FYCO1: variants seen among roughly 807,000 people sequenced by gnomAD.
FYCO1 encodes FYVE and coiled-coil domain-containing protein 1.
FYCO1 carries 122 observed loss-of-function variants against 165.1 expected under a neutral mutation model. The observed-to-expected ratio is 0.74, with a 90% CI of 0.64 to 0.86. The LOEUF (loss-of-function observed/expected upper bound fraction) is 0.86. Ranked by LOEUF, FYCO1 falls within the 40% of genes least tolerant of loss-of-function variation. The pLI, the probability that FYCO1 is intolerant of heterozygous loss-of-function variation, is 0.00. For missense variants in FYCO1, 1,702 were observed against 1,810.3 expected (o/e 0.94, Z 1.09); for synonymous variants, 648 against 742.5 (o/e 0.87, Z 2.07).
chr3:45,970,056 C>G (rs1358348714), intron 6 of FYCO1, among the ~76,000 whole-genome samples: 1 of 152,168 alleles, frequency 6.6e-6, no homozygotes, highest in Non-Finnish European at 1.5e-5. Flanking sequence ...GCTTTTGGTG[C>G]CTGCCTCAGT....
chr3:45,954,030 T>G (rs952438380), intron 14 of FYCO1, among the ~76,000 whole-genome samples: 4 of 152,198 alleles, frequency 2.6e-5, no homozygotes, highest in Non-Finnish European at 5.9e-5. Context: ...ATCACCAAAC[T>G]GGAGACCCAA....
At chr3:45,991,263 T>A (rs1454381811) in intron 1 of FYCO1, among the ~76,000 whole-genome samples, 2 of 152,224 alleles carry the variant, frequency 1.3e-5, no homozygotes, top group African/African-American at 2.4e-5. Context: ...TAGAATAATA[T>A]AATTCAGGGA....
rs1705886055 is a variant in FYCO1, at chr3:45,964,568, G to A, written c.3151-114C>T. ...TGGCTGGGTCACTTCTAAATGGAGG[G>A]TTGTTTCCTATTAAGTTCAAGAGGC... On this transcript the variant is annotated intron_variant, in intron 9 of 17. Coordinates refer to ENST00000296137, the MANE Select transcript of FYCO1 (RefSeq NM_024513.4). The surrounding 1 kb of genome is among the most constrained non-coding windows in gnomAD (Gnocchi z 4.1). 1.9e-6 allele frequency: 3 copies of A among 1,549,140 alleles called. No individual in the cohort carries two copies. In the South Asian group the frequency reaches 3.5e-5, roughly 18 times the overall value.
At chr3:45,950,943 A>G (rs1015036149) in intron 14 of FYCO1, among the ~76,000 whole-genome samples, 3 of 152,104 alleles carry the variant, frequency 2.0e-5, no homozygotes, top group Non-Finnish European at 4.4e-5. Flanking sequence ...CAAACATCAA[A>G]TCTCCTGGTG....
chr3:45,981,802 G>A, intron 2 of FYCO1, 126 bp from the exon 3 acceptor site: 1 of 717,388 alleles, frequency 1.4e-6, no homozygotes, highest in Admixed American at 2.0e-5. Flanking sequence ...AACATAAAAG[G>A]GTATGTAAGT....
Position 45,919,477 on chromosome 3 carries a change from TC to T in FYCO1, c.*2287del, listed in dbSNP as rs768860335. Reference sequence around the variant, plus strand: ...TTTTTTGAACAATAGCAGTCAGTGCTCAAGGTGTTGCACGCAAAACATCCAG... The same window carrying T: ...TTTTTTGAACAATAGCAGTCAGTGCTAAGGTGTTGCACGCAAAACATCCAG... On this transcript the variant is annotated 3_prime_UTR_variant, in exon 18 of 18. Transcript: ENST00000296137. 4 of 152,236 alleles carry T rather than the reference TC, an allele frequency of 2.6e-5. No homozygotes were observed. The highest frequency in any genetic ancestry group is 4.4e-5 in the Non-Finnish European group (3 of 68,082). The allele number at this position is 152,236 out of a possible 1,614,324, so 9.4% of individuals were successfully genotyped here.
At chr3:45,977,956 G>A (rs1427467676) in intron 4 of FYCO1, among the ~76,000 whole-genome samples, 1 of 152,162 alleles carries the variant, frequency 6.6e-6, no homozygotes, top group Admixed American at 6.5e-5. Context: ...GCCCCAGAGA[G>A]CAGTCTTCAA....
At chr3:45,981,549 C>T (rs1416689244) in intron 3 of FYCO1, 21 bp downstream of exon 3, 2 of 1,423,324 alleles carry the variant, frequency 1.4e-6, no homozygotes, top group East Asian at 2.3e-5. Context: ...CAAAAATCAA[C>T]ACATTACAGG....
In FYCO1 at chr3:45,963,975, G is replaced by C. The variant is rs567364128; in HGVS notation, c.3269+361C>G. ...AAATGTATGCAAAGTATTCAAAACAGAGTCGGCCACGTTTTCAGCATTATT... is the reference window on the plus strand; with the variant it reads ...AAATGTATGCAAAGTATTCAAAACACAGTCGGCCACGTTTTCAGCATTATT... On this transcript the variant is annotated intron_variant, in intron 10 of 17. Transcript: ENST00000296137. 7.2e-5 allele frequency among the ~76,000 whole-genome samples: 11 copies of C among 152,322 alleles called. No homozygotes were observed. In the South Asian group the frequency reaches 2.3e-3, roughly 32 times the overall value.
rs1334122260 is a variant in FYCO1, at chr3:45,993,182, C to A, written c.-113+2540G>T. Among the ~76,000 whole-genome samples, 1 of 152,184 alleles carries A rather than the reference C, an allele frequency of 6.6e-6. No individual in the cohort carries two copies. The highest frequency in any genetic ancestry group is 1.9e-4 in the East Asian group (1 of 5,190). On this transcript the variant is annotated intron_variant, in intron 1 of 17. Transcript: ENST00000296137. The surrounding 1 kb of genome is among the most constrained non-coding windows in gnomAD (Gnocchi z 4.4). The stretch of plus-strand genomic sequence containing the variant: ...CATCCGGCCTAATGAGAAACAGGCC[C>A]TTGGTGCCTTTCAAATGCCACAGAG...
At chr3:45,971,672 C>G (rs1706453200) in intron 6 of FYCO1, among the ~76,000 whole-genome samples, 1 of 152,126 alleles carries the variant, frequency 6.6e-6, no homozygotes, top group African/African-American at 2.4e-5. Flanking sequence ...TACAAAATAA[C>G]TGGCCTGTAT....
chr3:45,991,483 T>A (rs890434576), intron 1 of FYCO1, among the ~76,000 whole-genome samples: 3 of 152,212 alleles, frequency 2.0e-5, no homozygotes, highest in African/African-American at 4.8e-5. Context: ...CCTCTGCCTA[T>A]GTTCAGGCAT....
intron 14 of FYCO1, chr3:45,947,253 T>C (rs1704676762): frequency 1.2e-6 from 2 of 1,614,136 alleles, no homozygotes; most frequent in Non-Finnish European, 8.5e-7. Flanking sequence ...CAGCACACAC[T>C]GGGAATACTA....
chr3:45,986,740 G>A (rs1707335882), intron 1 of FYCO1, among the ~76,000 whole-genome samples: 1 of 152,176 alleles, frequency 6.6e-6, no homozygotes, highest in African/African-American at 2.4e-5. Flanking sequence ...TGCTTTATGA[G>A]AAGCCTGCCT....
chr3:45,921,564 C>T lies in FYCO1; in HGVS notation c.*201G>A, dbSNP rs1366204310. 3 of 588,752 alleles carry T rather than the reference C, an allele frequency of 5.1e-6. No homozygotes were observed. Among genetic ancestry groups the T allele is most frequent in the Non-Finnish European group, 9.2e-6 (3 of 324,976 alleles). The allele number at this position is 588,752 out of a possible 1,614,324, so 36.5% of individuals were successfully genotyped here. A position where few individuals can be genotyped will look rare whatever the true frequency, so the allele number is the denominator to read the frequency against. On this transcript the variant is annotated 3_prime_UTR_variant, in exon 18 of 18. Coordinates refer to ENST00000296137, the MANE Select transcript of FYCO1 (RefSeq NM_024513.4). Reference sequence around the variant, plus strand: ...CTACTTAATGGAAACATTGCCTGAGCCCTTCAACGCCTCGGGGGCTAAGAG... The same window carrying T: ...CTACTTAATGGAAACATTGCCTGAGTCCTTCAACGCCTCGGGGGCTAAGAG...
chr3:45,957,352 T>C (rs1705396792), intron 13 of FYCO1, among the ~76,000 whole-genome samples: 1 of 152,166 alleles, frequency 6.6e-6, no homozygotes, highest in Non-Finnish European at 1.5e-5. Context: ...AAGCCAGACA[T>C]GACAACAAAA....
In FYCO1 at chr3:45,967,455, T is replaced by C. The variant is rs778113027; in HGVS notation, c.1879A>G (p.Asn627Asp). The change falls in exon 8 of 18, where the codon AAT becomes GAT. Residue 627 changes from asparagine (N) to aspartate (D), a missense_variant. By Grantham distance (23) the Asn-to-Asp change is conservative. Coordinates refer to ENST00000296137, the MANE Select transcript of FYCO1 (RefSeq NM_024513.4). ...ANRELEKELQ[N>D]VVGRNQLLEG... ...AGGAGCTGGTTACGCCCGACCACAT[T>C]CTGTAGCTCCTTCTCCAGCTCCCTG... The C allele has an allele frequency of 1.9e-6, 3 of 1,613,618 alleles. No homozygotes were observed. Among genetic ancestry groups the C allele is most frequent in the South Asian group, 1.1e-5 (1 of 91,084 alleles).
chr3:45,979,758 C>T lies in FYCO1; in HGVS notation c.235G>A (p.Ala79Thr). The stretch of plus-strand genomic sequence containing the variant: ...CCATCATTGGCTCCTTTCACCTTGG[C>T]CAGGCAGGCACAGAAGTAATCCCAG... ...DYWDYFCACL[A>T]KVKGANDGIR... Residue 79 changes from alanine (A) to threonine (T), a missense_variant, in exon 4 of 18, where the codon GCC (alanine) becomes ACC (threonine). By Grantham distance (58) the Ala-to-Thr change is moderately conservative. Coordinates refer to ENST00000296137, the MANE Select transcript of FYCO1 (RefSeq NM_024513.4). 1 of 1,614,016 alleles carries T rather than the reference C, an allele frequency of 6.2e-7. No homozygotes were observed. Among genetic ancestry groups the T allele is most frequent in the South Asian group, 1.1e-5 (1 of 91,074 alleles).
chr3:45,987,555 A>C (rs1707369314), intron 1 of FYCO1, among the ~76,000 whole-genome samples: 1 of 152,240 alleles, frequency 6.6e-6, no homozygotes. Flanking sequence ...ACGGAGGCAC[A>C]CAAGAGTAAA....
Sources: gnomAD v4.1 joint callset for allele counts (sites outside exome capture counted in the v4.1 genomes callset) on GRCh38, gnomAD v4.1.1 for gene constraint, Gnocchi (gnomAD v3.1) non-coding constraint, MANE v1.5 for transcripts, NCBI Gene and HGNC (gene_info 2026-07-23, HGNC 2026-07-21) for gene names.